MICU1: variants seen among roughly 807,000 people sequenced by gnomAD.
MICU1 encodes the protein mitochondrial calcium uptake 1.
Under a neutral mutation model 56.8 loss-of-function variants are expected in MICU1, and 45 were observed. The ratio of observed to expected loss-of-function variants is 0.79; its 90% CI spans 0.62 to 1.02. MICU1 has a LOEUF of 1.02. Among genes scored for constraint, MICU1 ranks in the 50% least tolerant of loss-of-function variants. The probability of loss-of-function intolerance (pLI) is 0.00; values close to 1 mark genes in which losing one functional copy is unlikely to be tolerated. For missense variants in MICU1, 504 were observed against 587.1 expected, an observed-to-expected ratio of 0.86 and a Z score of 1.46; for synonymous variants, 186 against 195.1, an observed-to-expected ratio of 0.95 and a Z score of 0.39.
At chr10:72,401,660 A>G (rs1441976360) in intron 10 of MICU1, among the ~76,000 whole-genome samples, 2 of 152,230 alleles carry the variant, frequency 1.3e-5, no homozygotes, top group Non-Finnish European at 2.9e-5. Context: ...TCTCAAAAAA[A>G]CAAAAACGAA....
intron 8 of MICU1, among the ~76,000 whole-genome samples, chr10:72,426,192 AG>A (rs528043963): frequency 3.3e-5 from 5 of 151,954 alleles, no homozygotes; most frequent in Non-Finnish European, 7.4e-5. Flanking sequence ...TAATTTTTGT[AG>A]TTTTAGTAGA....
At chr10:72,476,024 C>T (rs1208355198) in intron 7 of MICU1, among the ~76,000 whole-genome samples, 2 of 151,562 alleles carry the variant, frequency 1.3e-5, no homozygotes, top group African/African-American at 2.4e-5. Flanking sequence ...GTCAGGAGTT[C>T]GAGACCAGCC....
intron 4 of MICU1, among the ~76,000 whole-genome samples, chr10:72,538,898 AG>A (rs1839701264): frequency 6.6e-6 from 1 of 152,136 alleles, no homozygotes; most frequent in African/African-American, 2.4e-5. Context: ...AAGTAAGTAA[AG>A]GGAAAAAGAT....
chr10:72,391,808 T>C (rs1451555082), intron 10 of MICU1, among the ~76,000 whole-genome samples: 1 of 152,218 alleles, frequency 6.6e-6, no homozygotes, highest in Non-Finnish European at 1.5e-5. Context: ...TACTAGTTTA[T>C]GTGTTAACTG....
chr10:72,534,513 A>G (rs992453482), intron 4 of MICU1, among the ~76,000 whole-genome samples: 4 of 152,192 alleles, frequency 2.6e-5, no homozygotes, highest in Non-Finnish European at 5.9e-5. Flanking sequence ...GGATATAATA[A>G]TTAACATTAC....
chr10:72,601,596 A>G (rs1013928218), intron 1 of MICU1, among the ~76,000 whole-genome samples: 1 of 151,990 alleles, frequency 6.6e-6, no homozygotes, highest in Admixed American at 6.6e-5. Flanking sequence ...CCCCTACAAC[A>G]AAAGACAGAT....
chr10:72,444,595 G>A (rs904348444), intron 8 of MICU1, among the ~76,000 whole-genome samples: 6 of 151,786 alleles, frequency 4.0e-5, no homozygotes, highest in African/African-American at 7.3e-5. Flanking sequence ...GATTACAGGC[G>A]TGCACCACCA....
chr10:72,569,949 T>G (rs73282742), intron 1 of MICU1, among the ~76,000 whole-genome samples: 8,048 of 152,000 alleles, frequency 0.053, 724 homozygotes, highest in African/African-American at 0.18. Context: ...TCCTAAATTT[T>G]TGTGTGTGTG....
At chr10:72,448,173 G>GTGTGTGTGTATATATA (rs1393436881) in intron 8 of MICU1, among the ~76,000 whole-genome samples, 3 of 77,162 alleles carry the variant, frequency 3.9e-5, no homozygotes, top group African/African-American at 1.4e-4. Flanking sequence ...ATATGTGTGT[G>GTGTGTGTGTATATATA]TATATATATA....
intron 3 of MICU1, among the ~76,000 whole-genome samples, chr10:72,555,122 G>C (rs1216554565): frequency 3.3e-5 from 5 of 152,218 alleles, no homozygotes; most frequent in African/African-American, 1.2e-4. Context: ...ACTCTGAATA[G>C]TAAGAGTATT....
At position 72,508,178 on chromosome 10, in the gene MICU1, A is replaced by G. The variant is rs760765205; in HGVS notation, c.629T>C (p.Ile210Thr). The change falls in exon 6 of 12, where the codon ATT (isoleucine) becomes ACT (threonine). Residue 210 changes from isoleucine (I) to threonine (T), a missense_variant. By Grantham distance (89) the Ile-to-Thr change is moderately conservative. Coordinates refer to ENST00000361114, the MANE Select transcript of MICU1 (RefSeq NM_001195518.2). ...ECGLISFSDY[I>T]FLTTVLSTPQ... ...ACTGGAAAGAACAGTTGTGAGGAAA[A>G]TGTAGTCTGAAAAGGATATGAGCCC... 4 of 1,531,418 alleles carry G rather than the reference A, an allele frequency of 2.6e-6. No homozygotes were observed. The highest frequency in any genetic ancestry group is 1.7e-5 in the Admixed American group (1 of 57,894). 94.9% of individuals were successfully genotyped at this position (1,531,418 alleles called of 1,614,324 possible).
intron 8 of MICU1, among the ~76,000 whole-genome samples, chr10:72,433,301 T>C (rs1307057842): frequency 6.6e-6 from 1 of 150,958 alleles, no homozygotes; most frequent in African/African-American, 2.4e-5. Context: ...TGAAGTGCAG[T>C]GGCACAATCT....
At chr10:72,562,818 T>C (rs1840333180) in intron 3 of MICU1, 77 bp downstream of exon 3, 1 of 1,205,750 alleles carries the variant, frequency 8.3e-7, no homozygotes. Context: ...ATCTGAAACA[T>C]ATGATTAAAA....
At chr10:72,573,544 G>A (rs570511021) in intron 1 of MICU1, among the ~76,000 whole-genome samples, 2 of 152,046 alleles carry the variant, frequency 1.3e-5, no homozygotes, top group East Asian at 3.9e-4. Context: ...ATTTATCCAT[G>A]CAAACAAATG....
chr10:72,503,912 AAT>A, intron 6 of MICU1, among the ~76,000 whole-genome samples: 1 of 151,480 alleles, frequency 6.6e-6, no homozygotes, highest in Non-Finnish European at 1.5e-5. Flanking sequence ...ACACCCTAGG[AAT>A]ATACGTGACC....
At chr10:72,496,055 C>A (rs1005986796) in intron 6 of MICU1, among the ~76,000 whole-genome samples, 2 of 151,866 alleles carry the variant, frequency 1.3e-5, no homozygotes, top group African/African-American at 4.8e-5. Context: ...CAACCTCTGT[C>A]TCCTGGTCTC....
At chr10:72,477,463 C>T (rs773511354) in intron 6 of MICU1, 1 of 1,503,814 alleles carries the variant, frequency 6.6e-7, no homozygotes, top group Non-Finnish European at 9.0e-7. Context: ...AAGAGTAGTA[C>T]TACGGCCAGT....
chr10:72,613,524 A>C (rs1459515944), intron 1 of MICU1, among the ~76,000 whole-genome samples: 3 of 151,152 alleles, frequency 2.0e-5, no homozygotes, highest in African/African-American at 7.3e-5. Context: ...CAGTCCTCCC[A>C]CCTCAGCTTC....
chr10:72,397,330 G>C (rs2132079701), intron 10 of MICU1, among the ~76,000 whole-genome samples: 1 of 152,226 alleles, frequency 6.6e-6, no homozygotes, highest in East Asian at 1.9e-4. Flanking sequence ...GCAAAAACAG[G>C]CCAAATTGCA....
Sources: allele counts gnomAD v4.1 joint callset (sites outside exome capture counted in the v4.1 genomes callset), GRCh38; gene constraint gnomAD v4.1.1; transcripts MANE v1.5; gene names NCBI Gene and HGNC (gene_info 2026-07-23, HGNC 2026-07-21).